Variants in DLGAP2 observed in about 807,000 individuals in gnomAD.
DLGAP2 encodes the protein disks large-associated protein 2.
Under a neutral mutation model 100.3 loss-of-function variants are expected in DLGAP2, and 26 were observed. The observed-to-expected ratio is 0.26, with a 90% CI of 0.19 to 0.36. The LOEUF (loss-of-function observed/expected upper bound fraction) is 0.36. Ranked by LOEUF, DLGAP2 falls within the 10% of genes least tolerant of loss-of-function variation. The pLI is 1.00. For missense variants in DLGAP2, 1,858 were observed against 1,453.2 expected (o/e 1.28, Z -4.53); for synonymous variants, 886 against 630.1 (o/e 1.41, Z -6.08).
At chr8:1,586,082 A>G (rs1206322209) in intron 6 of DLGAP2, among the ~76,000 whole-genome samples, 3 of 152,208 alleles carry the variant, frequency 2.0e-5, no homozygotes, top group African/African-American at 7.2e-5. Context: ...AGTGTCTTAA[A>G]ACAGGGCGTT....
At chr8:1,148,440 GT>G (rs1341029667) in intron 2 of DLGAP2, among the ~76,000 whole-genome samples, 23 of 151,956 alleles carry the variant, frequency 1.5e-4, no homozygotes, top group Non-Finnish European at 1.5e-4. Flanking sequence ...CCTACACTGT[GT>G]TTTTAAATTA....
At chr8:1,504,158 C>G (rs1344207379) in intron 4 of DLGAP2, among the ~76,000 whole-genome samples, 1 of 151,104 alleles carries the variant, frequency 6.6e-6, no homozygotes, top group Admixed American at 6.6e-5. Flanking sequence ...ATGTATTTGT[C>G]TGAGAAAGGA....
At chr8:1,344,107 C>G (rs1447931009) in intron 3 of DLGAP2, among the ~76,000 whole-genome samples, 1 of 149,520 alleles carries the variant, frequency 6.7e-6, no homozygotes, top group Non-Finnish European at 1.5e-5. Context: ...TGTCGTGGGT[C>G]CATGTATTCG....
chr8:1,137,077 G>A (rs1413123955), intron 2 of DLGAP2, among the ~76,000 whole-genome samples: 1 of 152,178 alleles, frequency 6.6e-6, no homozygotes, highest in East Asian at 1.9e-4. Flanking sequence ...GCTGGCAGTC[G>A]AGGACAAGGG....
intron 2 of DLGAP2, among the ~76,000 whole-genome samples, chr8:1,254,741 G>C (rs1050841482): frequency 6.6e-6 from 1 of 152,250 alleles, no homozygotes; most frequent in East Asian, 1.9e-4. Flanking sequence ...TTTGGGTTTC[G>C]GGGGCCGAGT....
At chr8:827,166 G>A (rs558336114) in intron 1 of DLGAP2, among the ~76,000 whole-genome samples, 5 of 152,272 alleles carry the variant, frequency 3.3e-5, no homozygotes, top group African/African-American at 4.8e-5. Flanking sequence ...CCTGGACAGC[G>A]CCACAGCCAA....
At position 933,549 on chromosome 8, in the gene DLGAP2, G is replaced by C. The variant is rs868787898; in HGVS notation, c.73+25583G>C. ...ACACCTGGCCGTGGGCATGAGGGGA[G>C]GGTGAGGGCAGAGCCTGCTGTGGAG... On this transcript the variant is annotated intron_variant, in intron 2 of 14. Coordinates refer to ENST00000637795, the MANE Select transcript of DLGAP2 (RefSeq NM_001346810.2). 2.8e-4 allele frequency among the ~76,000 whole-genome samples: 37 copies of C among 129,872 alleles called. 1 individual carries two copies. Among genetic ancestry groups the C allele is most frequent in the African/African-American group, 1.1e-3 (37 of 32,686 alleles). 85.2% of individuals were successfully genotyped at this position (129,872 alleles called of 152,430 possible).
intron 2 of DLGAP2, among the ~76,000 whole-genome samples, chr8:974,113 G>T (rs963092411): frequency 6.6e-6 from 1 of 152,290 alleles, no homozygotes; most frequent in South Asian, 2.1e-4. Flanking sequence ...TGTAGTAAAA[G>T]TTGATGAGAA....
At chr8:1,258,372 G>A (rs148579306) in intron 2 of DLGAP2, among the ~76,000 whole-genome samples, 1 of 152,012 alleles carries the variant, frequency 6.6e-6, no homozygotes, top group African/African-American at 2.4e-5. Context: ...ATTCGTAAGT[G>A]GGAGTTGAAC....
chr8:1,458,304 T>G (rs1448354397), intron 3 of DLGAP2, among the ~76,000 whole-genome samples: 1 of 152,104 alleles, frequency 6.6e-6, no homozygotes, highest in Non-Finnish European at 1.5e-5. Context: ...TCATTGAAGT[T>G]AGTTTAGTAT....
chr8:764,520 G>A (rs112927473), intron 1 of DLGAP2, among the ~76,000 whole-genome samples: 8 of 152,346 alleles, frequency 5.3e-5, no homozygotes, highest in African/African-American at 1.7e-4. Context: ...GGAAATACCT[G>A]TGGTGGAGCC....
chr8:1,496,704 A>G (rs1049024791), intron 3 of DLGAP2, among the ~76,000 whole-genome samples: 1 of 152,126 alleles, frequency 6.6e-6, no homozygotes, highest in Non-Finnish European at 1.5e-5. Context: ...TCTGAAGCTC[A>G]AGGGTGATCA....
intron 3 of DLGAP2, among the ~76,000 whole-genome samples, chr8:1,491,350 G>GGGCCGCTCCCCCTGACCCCAGAGGCTTCC (rs1563180244): frequency 2.0e-5 from 3 of 152,098 alleles, no homozygotes; most frequent in African/African-American, 7.2e-5. Context: ...CGGAGGCTTC[G>GGGCCGCTCCCCCTGACCCCAGAGGCTTCC]GGCCGCTCCC....
chr8:1,173,331 G>A (rs1360975164), intron 2 of DLGAP2, among the ~76,000 whole-genome samples: 1 of 152,206 alleles, frequency 6.6e-6, no homozygotes, highest in African/African-American at 2.4e-5. Context: ...GGGGTCAGGG[G>A]TCAGAGACCC....
rs150381970 is a variant in DLGAP2, at chr8:988,625, G to A, written c.73+80659G>A. Reference sequence around the variant, plus strand: ...TCCAGGGTCTGATGTCCCACCCCACGTGGACCTTCTCTCCTGGGCTCCTGC... The same window carrying A: ...TCCAGGGTCTGATGTCCCACCCCACATGGACCTTCTCTCCTGGGCTCCTGC... On this transcript the variant is annotated intron_variant, in intron 2 of 14. Coordinates refer to ENST00000637795, the MANE Select transcript of DLGAP2 (RefSeq NM_001346810.2). 4.5e-3 allele frequency among the ~76,000 whole-genome samples: 680 copies of A among 152,188 alleles called. 5 individuals carry two copies. The highest frequency in any genetic ancestry group is 0.012 in the African/African-American group (495 of 41,514).
intron 6 of DLGAP2, among the ~76,000 whole-genome samples, chr8:1,613,075 A>G (rs1396787400): frequency 1.5e-5 from 2 of 132,532 alleles, no homozygotes; most frequent in African/African-American, 6.0e-5. Context: ...TCATGCTGCT[A>G]TAAAGACACA....
intron 3 of DLGAP2, chr8:1,380,272 G>C (rs550271955): frequency 6.6e-6 from 1 of 152,222 alleles, no homozygotes; most frequent in Admixed American, 6.5e-5. Flanking sequence ...TTTGCTGTGC[G>C]TGTGGGGCTG....
At chr8:1,149,661 T>C (rs1315977213) in intron 2 of DLGAP2, among the ~76,000 whole-genome samples, 1 of 152,266 alleles carries the variant, frequency 6.6e-6, no homozygotes, top group East Asian at 1.9e-4. Context: ...ATATTAAATG[T>C]AATTCATGAC....
chr8:1,388,667 A>T lies in DLGAP2; in HGVS notation c.107-112699A>T, dbSNP rs7387857. Among the ~76,000 whole-genome samples the T allele has an allele frequency of 4.3e-3, 158 of 36,358 alleles. 1 individual carries two copies. The highest frequency in any genetic ancestry group is 0.053 in the Middle Eastern group (2 of 38). The allele number at this position is 36,358 out of a possible 152,430, so 23.9% of individuals were successfully genotyped here. A position where few individuals can be genotyped will look rare whatever the true frequency, so the allele number is the denominator to read the frequency against. On this transcript the variant is annotated intron_variant, in intron 3 of 14. Coordinates refer to ENST00000637795, the MANE Select transcript of DLGAP2 (RefSeq NM_001346810.2). The stretch of plus-strand genomic sequence containing the variant: ...GGCTGTGAGAGGCAGACGCCGTGGA[A>T]GAGGAGGCGCTGGTTCAGGTGTCAG...
Sources: gnomAD v4.1 joint callset for allele counts (sites outside exome capture counted in the v4.1 genomes callset) on GRCh38, gnomAD v4.1.1 for gene constraint, MANE v1.5 for transcripts, NCBI Gene and HGNC (gene_info 2026-07-23, HGNC 2026-07-21) for gene names.